SEC63: variants seen among roughly 807,000 people sequenced by gnomAD.
SEC63 encodes translocation protein SEC63 homolog.
In SEC63, 56 loss-of-function variants were observed where a neutral mutation model predicts 116.2. The observed-to-expected ratio is 0.48, with a 90% CI of 0.39 to 0.60. The LOEUF (loss-of-function observed/expected upper bound fraction) is 0.60, where lower values mean the gene tolerates loss of function less well. SEC63 is among the 20% of genes least tolerant of loss of function. The pLI is 0.00. For missense variants in SEC63, 668 were observed against 900.0 expected, an observed-to-expected ratio of 0.74 and a Z score of 3.30; for synonymous variants, 273 against 294.6, an observed-to-expected ratio of 0.93 and a Z score of 0.75.
intron 16 of SEC63, among the ~76,000 whole-genome samples, chr6:107,891,637 C>T (rs1786684651): frequency 6.6e-6 from 1 of 152,084 alleles, no homozygotes; most frequent in Non-Finnish European, 1.5e-5. Context: ...GGAGAAGAGG[C>T]ATTCTGGTTT....
intron 1 of SEC63, among the ~76,000 whole-genome samples, chr6:107,955,638 C>G (rs887550237): frequency 3.3e-5 from 5 of 152,108 alleles, no homozygotes; most frequent in Admixed American, 2.6e-4. Context: ...GTAGTCCCAG[C>G]ACTTTGGGAG....
At chr6:107,920,783 G>A (rs1787538287) in intron 4 of SEC63, among the ~76,000 whole-genome samples, 1 of 152,190 alleles carries the variant, frequency 6.6e-6, no homozygotes, top group African/African-American at 2.4e-5. Flanking sequence ...ATACGCAAGA[G>A]ATCACTGCAT....
rs1231655406 is a variant in SEC63 at position 107,877,351 on chromosome 6, T to G, written c.1936-689A>C. Reference sequence around the variant, plus strand: ...GTTCTAAATATTTATTTAACCAAAATAGTACTAGACTATTCTAAACTCTCA... The same window carrying G: ...GTTCTAAATATTTATTTAACCAAAAGAGTACTAGACTATTCTAAACTCTCA... On this transcript the variant is annotated intron_variant, in intron 18 of 20. Coordinates refer to ENST00000369002, the MANE Select transcript of SEC63 (RefSeq NM_007214.5). 5.3e-5 allele frequency: 8 copies of G among 152,186 alleles called. No homozygotes were observed. In the East Asian group the frequency reaches 1.5e-3, roughly 29 times the overall value. The allele number at this position is 152,186 out of a possible 1,614,324, so 9.4% of individuals were successfully genotyped here.
intron 1 of SEC63, among the ~76,000 whole-genome samples, chr6:107,953,774 G>A (rs1418023152): frequency 9.8e-5 from 14 of 142,772 alleles, no homozygotes; most frequent in East Asian, 2.2e-4. Context: ...CCGGCCAGCC[G>A]CCCCGTCCGG....
At chr6:107,923,183 G>A (rs939573226) in intron 3 of SEC63, among the ~76,000 whole-genome samples, 11 of 151,822 alleles carry the variant, frequency 7.2e-5, no homozygotes, top group African/African-American at 2.4e-4. Flanking sequence ...TTGCTCTGTC[G>A]CCCAGGCTGG....
At chr6:107,914,936 G>A (rs762943279) in intron 4 of SEC63, among the ~76,000 whole-genome samples, 5 of 152,104 alleles carry the variant, frequency 3.3e-5, no homozygotes, top group African/African-American at 7.2e-5. Context: ...TACGAGTTAC[G>A]ATTACATTAA....
At chr6:107,884,250 C>CAA (rs35806948) in intron 16 of SEC63, among the ~76,000 whole-genome samples, 5 of 111,906 alleles carry the variant, frequency 4.5e-5, no homozygotes, top group East Asian at 2.5e-4. Flanking sequence ...GACTCTGTCT[C>CAA]AAAAAAAAAA....
At chr6:107,885,220 A>G (rs1025783998) in intron 16 of SEC63, among the ~76,000 whole-genome samples, 1 of 152,232 alleles carries the variant, frequency 6.6e-6, no homozygotes. Flanking sequence ...AAAAGAAAAA[A>G]GTAAAACTGT....
chr6:107,956,708 T>TA (rs1363001595), intron 1 of SEC63, among the ~76,000 whole-genome samples: 1 of 152,114 alleles, frequency 6.6e-6, no homozygotes, highest in Non-Finnish European at 1.5e-5. Context: ...TCAAGAATGT[T>TA]AGTTTCCTGC....
intron 1 of SEC63, among the ~76,000 whole-genome samples, chr6:107,941,328 AC>A (rs1221208822): frequency 1.1e-4 from 16 of 152,034 alleles, no homozygotes; most frequent in Admixed American, 1.0e-3. Context: ...TGGCACACAC[AC>A]CCATAGTCCA....
chr6:107,920,487 T>C (rs1319093226), intron 4 of SEC63, among the ~76,000 whole-genome samples: 1 of 149,884 alleles, frequency 6.7e-6, no homozygotes, highest in East Asian at 2.0e-4. Flanking sequence ...GACTATGGTG[T>C]AGTATAAACA....
intron 7 of SEC63, among the ~76,000 whole-genome samples, chr6:107,910,919 C>T (rs1787269309): frequency 6.6e-6 from 1 of 152,014 alleles, no homozygotes; most frequent in Non-Finnish European, 1.5e-5. Context: ...AGGGTTTCAC[C>T]ATGTTGGTCT....
chr6:107,945,563 C>G (rs962428027), intron 1 of SEC63, among the ~76,000 whole-genome samples: 2 of 151,970 alleles, frequency 1.3e-5, no homozygotes, highest in Non-Finnish European at 2.9e-5. Flanking sequence ...CTCGGCCTCC[C>G]AAAGTGCTGG....
chr6:107,957,921 G>T lies in SEC63; in HGVS notation c.89C>A (p.Ala30Glu). The T allele has an allele frequency of 6.2e-7, 1 of 1,613,162 alleles. No individual in the cohort carries two copies. Among genetic ancestry groups the T allele is most frequent in the Non-Finnish European group, 8.5e-7 (1 of 1,179,472 alleles). ...TSFVGLIVIP[A>E]TYYLWPRDQN... is the part of the protein sequence containing the mutation. ...ATCTCGGGGCCAGAGGTAGTATGTC[G>T]CCGGGATCACGATGAGCCCCACGAA... Residue 30 changes from alanine (A) to glutamate (E), a missense_variant, in exon 1 of 21, where the codon GCG becomes GAG. Ala to Glu is a moderately radical substitution (Grantham distance 107). Around this residue, in one of 5 missense-constraint regions of SEC63, gnomAD observed 142 missense variants for 169.5 expected, o/e 0.84. Transcript: ENST00000369002.
At chr6:107,930,093 A>G (rs974735389) in intron 1 of SEC63, 1 of 153,370 alleles carries the variant, frequency 6.5e-6, no homozygotes, top group African/African-American at 2.4e-5. Context: ...CCGGAGCAGG[A>G]CATACGCTAA....
rs542085081 is a variant in SEC63, at chr6:107,893,465, G to A, written c.1674+17C>T. Reference sequence around the variant, plus strand: ...ATTTTAGCTTAATAATGATAATAACGATAATAATAAACTTACATTCCCAAC... The same window carrying A: ...ATTTTAGCTTAATAATGATAATAACAATAATAATAAACTTACATTCCCAAC... On this transcript the variant is annotated intron_variant, in intron 16 of 20. Transcript: ENST00000369002. The A allele has an allele frequency of 1.7e-4, 269 of 1,605,494 alleles. 2 individuals carry two copies. The South Asian group carries it at 2.8e-3, about 17-fold the overall frequency.
chr6:107,870,342 T>G lies in SEC63; in HGVS notation c.*1362A>C, dbSNP rs1379903972. 6.6e-6 allele frequency: 1 copy of G among 152,632 alleles called. No individual in the cohort carries two copies. The highest frequency in any genetic ancestry group is 2.4e-5 in the African/African-American group (1 of 41,450). The allele number at this position is 152,632 out of a possible 1,614,324, so 9.5% of individuals were successfully genotyped here. A position where few individuals can be genotyped will look rare whatever the true frequency, so the allele number is the denominator to read the frequency against. ...CTAATTTTCACATTTTATTTCCAAC[T>G]ATTGCAGTAACAAGATGCCGGTAGT... On this transcript the variant is annotated 3_prime_UTR_variant, in exon 21 of 21. Transcript: ENST00000369002.
At chr6:107,956,082 G>T (rs979028740) in intron 1 of SEC63, 4 of 341,642 alleles carry the variant, frequency 1.2e-5, no homozygotes, top group Admixed American at 8.3e-5. Context: ...TTCAAGACCA[G>T]CCTGGGTAAA....
intron 4 of SEC63, among the ~76,000 whole-genome samples, chr6:107,913,871 T>A (rs1787341143): frequency 6.6e-6 from 1 of 152,214 alleles, no homozygotes; most frequent in South Asian, 2.1e-4. Context: ...ATAAATTTAA[T>A]TCATAATGGT....
Sources: allele counts gnomAD v4.1 joint callset (sites outside exome capture counted in the v4.1 genomes callset), GRCh38; gene constraint gnomAD v4.1.1; regional missense constraint gnomAD v4.1.1; transcripts MANE v1.5; gene names NCBI Gene and HGNC (gene_info 2026-07-23, HGNC 2026-07-21).